CSMD1: variants seen among roughly 807,000 people sequenced by gnomAD.
The protein encoded by CSMD1 is CUB and sushi domain-containing protein 1.
A neutral mutation model predicts 417.5 loss-of-function variants in CSMD1; 213 were observed. The observed-to-expected ratio is 0.51, with a 90% confidence interval of 0.46 to 0.57. The LOEUF (loss-of-function observed/expected upper bound fraction) is 0.57, where lower values mean the gene tolerates loss of function less well. Among genes scored for constraint, CSMD1 ranks in the 20% least tolerant of loss-of-function variants. The pLI is 0.00. For synonymous variants in CSMD1, 2,862 were observed against 1,736.8 expected (o/e 1.65, Z -16.11); for missense variants, 6,923 against 4,529.7 (o/e 1.53, Z -15.17).
intron 1 of CSMD1, among the ~76,000 whole-genome samples, chr8:4,676,562 C>A (rs1386329799): frequency 6.6e-6 from 1 of 152,194 alleles, no homozygotes; most frequent in Non-Finnish European, 1.5e-5. Flanking sequence ...ACCAGTTTAG[C>A]ACAAGCTACC....
chr8:4,546,353 T>C (rs1393173835), intron 2 of CSMD1, among the ~76,000 whole-genome samples: 5 of 152,152 alleles, frequency 3.3e-5, no homozygotes, highest in Admixed American at 2.6e-4. Flanking sequence ...GTTGCCCAGA[T>C]AGCTGGTAAA....
chr8:4,120,723 T>C (rs546553571), intron 3 of CSMD1, among the ~76,000 whole-genome samples: 1 of 152,204 alleles, frequency 6.6e-6, no homozygotes, highest in African/African-American at 2.4e-5. Context: ...TCCAGGCTCA[T>C]GCAGAGAATG....
intron 3 of CSMD1, among the ~76,000 whole-genome samples, chr8:4,174,141 C>G (rs1429564250): frequency 6.6e-6 from 1 of 152,062 alleles, no homozygotes; most frequent in South Asian, 2.1e-4. Context: ...GAGGGTCACC[C>G]ACCAAAGGCT....
chr8:3,633,532 T>C (rs911302829), intron 7 of CSMD1, among the ~76,000 whole-genome samples: 1 of 152,208 alleles, frequency 6.6e-6, no homozygotes, highest in Non-Finnish European at 1.5e-5. Context: ...CAATGGACAA[T>C]TGTATTAGTG....
intron 7 of CSMD1, among the ~76,000 whole-genome samples, chr8:3,638,391 T>A (rs767169279): frequency 6.6e-5 from 10 of 152,174 alleles, no homozygotes; most frequent in South Asian, 2.1e-4. Flanking sequence ...CAGTTATTGG[T>A]TTGATGCTGA....
At chr8:4,188,621 G>C (rs1012642803) in intron 3 of CSMD1, among the ~76,000 whole-genome samples, 5 of 152,130 alleles carry the variant, frequency 3.3e-5, no homozygotes, top group Admixed American at 2.0e-4. Flanking sequence ...CTGTGAGTAA[G>C]ATTCCCGCCT....
intron 2 of CSMD1, among the ~76,000 whole-genome samples, chr8:4,571,772 G>C (rs148260496): frequency 0.016 from 2,366 of 152,238 alleles, 57 homozygotes; most frequent in African/African-American, 0.054. Context: ...AAGTCTCTTT[G>C]TACGTCTCTA....
intron 17 of CSMD1, among the ~76,000 whole-genome samples, chr8:3,394,055 TA>T (rs1221783858): frequency 8.9e-6 from 1 of 112,372 alleles, no homozygotes; most frequent in Non-Finnish European, 1.9e-5. Context: ...TATATATATA[TA>T]GAAAAAAAGA....
chr8:3,498,147 C>T (rs1402575004), intron 10 of CSMD1, among the ~76,000 whole-genome samples: 6 of 152,276 alleles, frequency 3.9e-5, no homozygotes, highest in Admixed American at 6.5e-5. Flanking sequence ...TAGCCTGTAA[C>T]GGTTCTGCTG....
intron 1 of CSMD1, among the ~76,000 whole-genome samples, chr8:4,763,066 C>G (rs980900408): frequency 6.6e-6 from 1 of 152,118 alleles, no homozygotes; most frequent in Admixed American, 6.5e-5. Context: ...GCTGTAACAT[C>G]CAGTGTCAAA....
chr8:4,055,032 A>G (rs1017209353), intron 3 of CSMD1, among the ~76,000 whole-genome samples: 1 of 152,246 alleles, frequency 6.6e-6, no homozygotes, highest in African/African-American at 2.4e-5. Flanking sequence ...CCTATTTCAC[A>G]AACTTACATG....
chr8:4,759,120 G>T (rs976900300), intron 1 of CSMD1, among the ~76,000 whole-genome samples: 2 of 152,240 alleles, frequency 1.3e-5, no homozygotes, highest in African/African-American at 4.8e-5. Context: ...TTTGGGCTGA[G>T]GGAGAAGGTG....
rs530978282 is a variant in CSMD1, at chr8:4,163,204, G to C, written c.416-131105C>G. Among the ~76,000 whole-genome samples the C allele has an allele frequency of 5.5e-4, 83 of 152,276 alleles. 1 individual carries two copies. The highest frequency in any genetic ancestry group is 9.0e-4 in the Non-Finnish European group (61 of 68,024). On this transcript the variant is annotated intron_variant, in intron 3 of 69. Transcript: ENST00000635120. The stretch of plus-strand genomic sequence containing the variant: ...AACCTTCTAAAAACATCCCTTGGCA[G>C]GTTTTTCAGTACACGTAAGTTTTTA...
chr8:4,004,048 C>G (rs916213944), intron 4 of CSMD1, among the ~76,000 whole-genome samples: 3 of 151,612 alleles, frequency 2.0e-5, no homozygotes, highest in Non-Finnish European at 4.4e-5. Context: ...TATAGTAAAA[C>G]AGAAAAAAGG....
At chr8:3,626,633 T>C (rs372155957) in intron 7 of CSMD1, among the ~76,000 whole-genome samples, 1 of 151,532 alleles carries the variant, frequency 6.6e-6, no homozygotes, top group East Asian at 1.9e-4. Flanking sequence ...CCACAGAAAG[T>C]TTCTTTTTGA....
intron 1 of CSMD1, among the ~76,000 whole-genome samples, chr8:4,939,646 G>A (rs1480135012): frequency 6.6e-6 from 1 of 152,040 alleles, no homozygotes; most frequent in Non-Finnish European, 1.5e-5. Context: ...CTGGGGGTGA[G>A]TGGGAAGGAA....
chr8:4,230,099 T>C (rs1801621976), intron 3 of CSMD1, among the ~76,000 whole-genome samples: 1 of 152,174 alleles, frequency 6.6e-6, no homozygotes, highest in African/African-American at 2.4e-5. Flanking sequence ...CTACAAGCCT[T>C]ATAAACCTTT....
At chr8:2,996,167 G>A (rs912561252) in intron 54 of CSMD1, among the ~76,000 whole-genome samples, 4 of 150,060 alleles carry the variant, frequency 2.7e-5, no homozygotes, top group African/African-American at 9.9e-5. Context: ...AGAAAAGGAG[G>A]ACTTTAATGG....
chr8:3,263,637 C>G (rs986061727), intron 26 of CSMD1, among the ~76,000 whole-genome samples: 5 of 152,084 alleles, frequency 3.3e-5, no homozygotes, highest in African/African-American at 1.2e-4. Flanking sequence ...AGATTGATAA[C>G]ATATAGTTAC....
Sources: allele counts gnomAD v4.1 joint callset (sites outside exome capture counted in the v4.1 genomes callset), GRCh38; gene constraint gnomAD v4.1.1; transcripts MANE v1.5; gene names NCBI Gene and HGNC (gene_info 2026-07-23, HGNC 2026-07-21).